EFS: variants seen among roughly 807,000 people sequenced by gnomAD.
EFS encodes embryonal Fyn-associated substrate.
EFS carries 34 observed loss-of-function variants against 42.2 expected under a neutral mutation model. The observed-to-expected ratio is 0.81, with a 90% confidence interval of 0.61 to 1.07. EFS has a LOEUF of 1.07. Among genes scored for constraint, EFS ranks in the 50% least tolerant of loss-of-function variants. The pLI is 0.00. For missense variants in EFS, 717 were observed against 729.4 expected (o/e 0.98, Z 0.20); for synonymous variants, 299 against 320.7 (o/e 0.93, Z 0.72).
rs552434831 is a variant in EFS at position 23,356,817 on chromosome 14, T to C, written c.*409A>G. 3 of 157,740 alleles carry C rather than the reference T, an allele frequency of 1.9e-5. No homozygotes were observed. In the East Asian group the frequency reaches 5.6e-4, roughly 29 times the overall value. 9.8% of individuals were successfully genotyped at this position (157,740 alleles called of 1,614,324 possible). A position where few individuals can be genotyped will look rare whatever the true frequency, so the allele number is the denominator to read the frequency against. On this transcript the variant is annotated 3_prime_UTR_variant, in exon 6 of 6. Coordinates refer to ENST00000216733, the MANE Select transcript of EFS (RefSeq NM_005864.4). Reference sequence around the variant, plus strand: ...CTCTCAGCTAACAGTGCAGTGCTGATCTTCTAGAGCCAAGAAACAGGAAAA... The same window carrying C: ...CTCTCAGCTAACAGTGCAGTGCTGACCTTCTAGAGCCAAGAAACAGGAAAA...
Position 23,360,773 on chromosome 14 carries a change from G to A in EFS, c.79C>T (p.Arg27Cys), listed in dbSNP as rs373577270. The stretch of plus-strand genomic sequence containing the variant: ...AGGACCCGTAGGACATCCCCTCGGC[G>A]GAAGGACAGCTCCTGGGGGGACTCA... Reference protein sequence around the residue: ...TAESPQELSFRRGDVLRVLQR... With the variant: ...TAESPQELSFCRGDVLRVLQR... Residue 27 changes from arginine (R) to cysteine (C), a missense_variant, in exon 2 of 6, where the codon CGC (arginine) becomes TGC (cysteine). Transcript: ENST00000216733. The A allele has an allele frequency of 2.2e-5, 35 of 1,613,996 alleles. No individual in the cohort carries two copies. Among genetic ancestry groups the A allele is most frequent in the South Asian group, 1.5e-4 (14 of 91,070 alleles).
chr14:23,360,089 CT>C (rs1890089425), intron 3 of EFS, 50 bp from the exon 4 acceptor site: 1 of 1,614,026 alleles, frequency 6.2e-7, no homozygotes, highest in African/African-American at 1.3e-5. Context: ...TGAACCCTCC[CT>C]TGGGGCCATT....
chr14:23,357,598 G>A lies in EFS; in HGVS notation c.1314C>T (p.Phe438=), dbSNP rs765234341. The A allele has an allele frequency of 4.4e-6, 7 of 1,590,050 alleles. No homozygotes were observed. The highest frequency in any genetic ancestry group is 6.0e-6 in the Non-Finnish European group (7 of 1,163,862). ...VSTGDLQLLY[F]YAGQCQSHYS... ...AGTGGCTCTGGCATTGCCCAGCATA[G>A]AAGTACAGGAGCTGCAGATCTCCGG... The change falls in exon 6 of 6, where the codon TTC becomes TTT. Residue 438 remains phenylalanine, a synonymous_variant. Transcript: ENST00000216733.
chr14:23,360,106 C>G (rs1289313876), intron 3 of EFS, 35 bp downstream of exon 3: 3 of 1,614,040 alleles, frequency 1.9e-6, no homozygotes, highest in African/African-American at 2.7e-5. Flanking sequence ...CCATTTGTCT[C>G]CCACCCAACA....
chr14:23,359,679 C>A lies in EFS; in HGVS notation c.799G>T (p.Glu267Ter). The A allele has an allele frequency of 6.6e-7, 1 of 1,510,492 alleles. No homozygotes were observed. Among genetic ancestry groups the A allele is most frequent in the Non-Finnish European group, 8.8e-7 (1 of 1,131,250 alleles). The allele number at this position is 1,510,492 out of a possible 1,614,324, so 93.6% of individuals were successfully genotyped here. Reference protein sequence around the residue: ...LLGPEAPPSPEPPGALASHDQ... With the variant: ...LLGPEAPPSP ...TGGGAGGCCAAGGCTCCAGGGGGCT[C>A]TGGAGAAGGGGGAGCCTCTGGCCCC... is the stretch of plus-strand genomic sequence containing the variant. The change falls in exon 4 of 6, where the codon GAG becomes TAG. Residue 267 changes from glutamate (E) to a stop codon, truncating the protein, a stop_gained. Coordinates refer to ENST00000216733, the MANE Select transcript of EFS (RefSeq NM_005864.4). LOFTEE classifies it high-confidence loss of function.
chr14:23,357,580 C>T lies in EFS; in HGVS notation c.1332G>A (p.Gln444=), dbSNP rs1053456083. 6.2e-7 allele frequency: 1 copy of T among 1,604,506 alleles called. No homozygotes were observed. Residue 444 remains glutamine (Q), a synonymous_variant, in exon 6 of 6, where the codon CAG becomes CAA. Transcript: ENST00000216733. ...QLLYFYAGQC[Q]SHYSALQAAV... ...CTGCCTGCAGGGCTGAGTAGTGGCT[C>T]TGGCATTGCCCAGCATAGAAGTACA... is the stretch of plus-strand genomic sequence containing the variant.
intron 2 of EFS, 105 bp from the exon 3 acceptor site, chr14:23,360,386 A>C: frequency 6.6e-7 from 1 of 1,507,450 alleles, no homozygotes. Context: ...CCCTGTATCG[A>C]GAGGGCCACA....
At chr14:23,360,325 C>T (rs780016121) in intron 2 of EFS, 44 bp from the exon 3 acceptor site, 9 of 1,575,530 alleles carry the variant, frequency 5.7e-6, no homozygotes, top group East Asian at 4.5e-5. Context: ...ACGGAGGGGC[C>T]GGTGATCAGA....
chr14:23,357,279 G>C lies in EFS; in HGVS notation c.1633C>G (p.Leu545Val). ...GTGAATTGCAGGGCCTGCCCTGCCA[G>C]TTCTGTTACACACTGCACCATCTCT... ...IQEMVQCVTE[L>V]AGQALQFTTL... Residue 545 changes from leucine to valine, a missense_variant, in exon 6 of 6, where the codon CTG becomes GTG. Leu to Val is a conservative substitution (Grantham distance 32). Transcript: ENST00000216733. The C allele has an allele frequency of 6.3e-7, 1 of 1,590,770 alleles. No homozygotes were observed. The highest frequency in any genetic ancestry group is 1.7e-5 in the Admixed American group (1 of 59,158).
chr14:23,365,117 GC>G lies in EFS; in HGVS notation c.-93del. Reference sequence around the variant, plus strand: ...CCCGCACCATGGTCCGCGGCCTCTAGCCCCCAGCTGTGGCGCCTGAGTCGTG... The same window carrying G: ...CCCGCACCATGGTCCGCGGCCTCTAGCCCCAGCTGTGGCGCCTGAGTCGTG... On this transcript the variant is annotated 5_prime_UTR_variant, in exon 1 of 6. Coordinates refer to ENST00000216733, the MANE Select transcript of EFS (RefSeq NM_005864.4). This position sits in a 1 kb window ranked among gnomAD's most constrained non-coding sequence, Gnocchi z 5.3. 1.7e-6 allele frequency: 2 copies of G among 1,186,124 alleles called. No individual in the cohort carries two copies. Among genetic ancestry groups the G allele is most frequent in the East Asian group, 6.4e-5 (2 of 31,454 alleles). The allele number at this position is 1,186,124 out of a possible 1,614,324, so 73.5% of individuals were successfully genotyped here. A position where few individuals can be genotyped will look rare whatever the true frequency, so the allele number is the denominator to read the frequency against.
At chr14:23,360,063 T>C in intron 3 of EFS, 24 bp from the exon 4 acceptor site, 1 of 1,613,976 alleles carries the variant, frequency 6.2e-7, no homozygotes, top group Non-Finnish European at 8.5e-7. Flanking sequence ...TGGTCAGTCA[T>C]CTGTCAGCTC....
At chr14:23,359,178 T>G in intron 4 of EFS, 139 bp downstream of exon 4, 6 of 1,372,530 alleles carry the variant, frequency 4.4e-6, no homozygotes, top group Non-Finnish European at 6.1e-6. Flanking sequence ...GGCCAAGTAC[T>G]GGGGTCCCAG....
In EFS at chr14:23,359,566, G is replaced by T; in HGVS notation, c.912C>A (p.Arg304=). The T allele has an allele frequency of 1.3e-6, 2 of 1,494,128 alleles. No homozygotes were observed. Among genetic ancestry groups the T allele is most frequent in the Non-Finnish European group, 8.9e-7 (1 of 1,128,328 alleles). The allele number at this position is 1,494,128 out of a possible 1,614,324, so 92.6% of individuals were successfully genotyped here. A position where few individuals can be genotyped will look rare whatever the true frequency, so the allele number is the denominator to read the frequency against. The change falls in exon 4 of 6, where the codon CGC becomes CGA. Residue 304 remains arginine, a synonymous_variant. Transcript: ENST00000216733. ...GGACAGGCAGGGCAGGCAGAGGGCG[G>T]CGGGACAGGCTCTCAGCTGAGGGGA... ...PRLPSAESLS[R]RPLPALPVPE...
At chr14:23,361,759 AAAC>A (rs1890161963) in intron 1 of EFS, among the ~76,000 whole-genome samples, 2 of 152,362 alleles carry the variant, frequency 1.3e-5, no homozygotes, top group Admixed American at 6.5e-5. Flanking sequence ...TACCAAGTGC[AAAC>A]AACGTTTCCA....
At chr14:23,363,964 A>G (rs1027993164) in intron 1 of EFS, among the ~76,000 whole-genome samples, 2 of 150,314 alleles carry the variant, frequency 1.3e-5, no homozygotes, top group African/African-American at 4.9e-5. Flanking sequence ...GTTTGGTCTG[A>G]GAAAGAACCA....
At chr14:23,364,301 G>A (rs1037551277) in intron 1 of EFS, among the ~76,000 whole-genome samples, 3 of 152,184 alleles carry the variant, frequency 2.0e-5, no homozygotes, top group African/African-American at 4.8e-5. Flanking sequence ...TTGATGATGG[G>A]TGTGACCACT....
At chr14:23,360,397 G>A in intron 2 of EFS, 116 bp from the exon 3 acceptor site, 1 of 1,498,792 alleles carries the variant, frequency 6.7e-7, no homozygotes, top group Non-Finnish European at 8.9e-7. Flanking sequence ...GAGGGCCACA[G>A]CTCAGAAAGG....
In EFS at chr14:23,359,328, C is replaced by T. The variant is rs1890035393; in HGVS notation, c.1150G>A (p.Val384Ile). Residue 384 changes from valine to isoleucine, a missense_variant, in exon 4 of 6, where the codon GTC becomes ATC. Physicochemically the swap from Val to Ile is conservative, Grantham distance 29 (BLOSUM62 3). Coordinates refer to ENST00000216733, the MANE Select transcript of EFS (RefSeq NM_005864.4). Reference sequence around the variant, plus strand: ...CAAGGGGCGCTCACCTTCAGGTGGACATAGTCATACTCCTCGGCCATCGGA... The same window carrying T: ...CAAGGGGCGCTCACCTTCAGGTGGATATAGTCATACTCCTCGGCCATCGGA... ...GIPMAEEYDY[V>I]HLKGMDKAQG... 2 of 1,613,052 alleles carry T rather than the reference C, an allele frequency of 1.2e-6. No individual in the cohort carries two copies. The highest frequency in any genetic ancestry group is 1.7e-6 in the Non-Finnish European group (2 of 1,179,974).
chr14:23,365,036 T>C lies in EFS; in HGVS notation c.-11A>G. 1.5e-6 allele frequency: 2 copies of C among 1,328,102 alleles called. No homozygotes were observed. Among genetic ancestry groups the C allele is most frequent in the Admixed American group, 3.1e-5 (1 of 32,264 alleles). 82.3% of individuals were successfully genotyped at this position (1,328,102 alleles called of 1,614,324 possible). A position where few individuals can be genotyped will look rare whatever the true frequency, so the allele number is the denominator to read the frequency against. On this transcript the variant is annotated 5_prime_UTR_variant, in exon 1 of 6. Coordinates refer to ENST00000216733, the MANE Select transcript of EFS (RefSeq NM_005864.4). This position sits in a 1 kb window ranked among gnomAD's most constrained non-coding sequence, Gnocchi z 5.3. ...CGTGGCAATGGCCATGGCTTTGGCC[T>C]CCCGCGCAGCCTGCCTCAGGCCAGG...
Sources: gnomAD v4.1 joint callset for allele counts (sites outside exome capture counted in the v4.1 genomes callset) on GRCh38, gnomAD v4.1.1 for gene constraint, Gnocchi (gnomAD v3.1) non-coding constraint, MANE v1.5 for transcripts, NCBI Gene and HGNC (gene_info 2026-07-23, HGNC 2026-07-21) for gene names.